The following TRHDE variants were observed in gnomAD, a reference collection of about 807,000 sequenced individuals.
The protein encoded by TRHDE is thyrotropin-releasing hormone-degrading ectoenzyme.
Under a neutral mutation model 125.7 loss-of-function variants are expected in TRHDE, and 72 were observed. The ratio of observed to expected loss-of-function variants is 0.57; its 90% CI spans 0.47 to 0.70. The LOEUF (loss-of-function observed/expected upper bound fraction) is 0.70. TRHDE is among the 30% of genes least tolerant of loss of function. The pLI is 0.00. For missense variants in TRHDE, 1,110 were observed against 1,327.1 expected (o/e 0.84, Z 2.54); for synonymous variants, 509 against 509.1 (o/e 1.00, Z 0.00).
intron 3 of TRHDE, among the ~76,000 whole-genome samples, chr12:72,426,272 G>A (rs1173629832): frequency 1.3e-5 from 2 of 151,834 alleles, no homozygotes; most frequent in Non-Finnish European, 1.5e-5. Context: ...TATTTTAATG[G>A]GTAAAATATG....
In TRHDE at chr12:72,476,077, G is replaced by A. The variant is rs374062619; in HGVS notation, c.1584+2897G>A. On this transcript the variant is annotated intron_variant, in intron 5 of 18. Coordinates refer to ENST00000261180, the MANE Select transcript of TRHDE (RefSeq NM_013381.3). ...GATTACAGGTGTGAGCCACCACGCC[G>A]GGCTAATTTTTGTATTTTTTGCAGA... 6.9e-4 allele frequency among the ~76,000 whole-genome samples: 105 copies of A among 151,822 alleles called. 4 individuals carry two copies. In the South Asian group the frequency reaches 0.02, roughly 29 times the overall value.
chr12:72,538,261 T>G (rs1445681228), intron 6 of TRHDE, among the ~76,000 whole-genome samples: 2 of 152,020 alleles, frequency 1.3e-5, no homozygotes, highest in Non-Finnish European at 2.9e-5. Context: ...AAATATGGCC[T>G]ACTATGGCCT....
chr12:72,170,906 A>T (rs1876858545), intron 2 of TRHDE, among the ~76,000 whole-genome samples: 1 of 152,228 alleles, frequency 6.6e-6, no homozygotes, highest in Non-Finnish European at 1.5e-5. Context: ...ATAGTTGGAG[A>T]CAGGGTGTTA....
intron 12 of TRHDE, among the ~76,000 whole-genome samples, chr12:72,596,400 G>C (rs1242464435): frequency 7.2e-5 from 11 of 152,206 alleles, no homozygotes; most frequent in Non-Finnish European, 1.0e-4. Flanking sequence ...GGACTCCACT[G>C]TAACACTGTT....
intron 15 of TRHDE, 77 bp downstream of exon 15, chr12:72,621,828 C>A (rs548892121): frequency 1.8e-6 from 2 of 1,095,042 alleles, no homozygotes; most frequent in Non-Finnish European, 2.6e-6. Context: ...ATTTCATTTA[C>A]CAACTGGAGA....
intron 2 of TRHDE, among the ~76,000 whole-genome samples, chr12:72,362,443 A>C (rs1488473078): frequency 6.6e-6 from 1 of 151,498 alleles, no homozygotes; most frequent in Non-Finnish European, 1.5e-5. Flanking sequence ...GTTTGAGTTC[A>C]TTGTAGATTC....
intron 6 of TRHDE, among the ~76,000 whole-genome samples, chr12:72,513,490 C>G (rs1029726313): frequency 6.6e-6 from 1 of 152,108 alleles, no homozygotes; most frequent in South Asian, 2.1e-4. Context: ...TGAGGACCTA[C>G]TGAGAAAATT....
chr12:72,439,176 AG>A (rs755721920), intron 3 of TRHDE, among the ~76,000 whole-genome samples: 1 of 151,700 alleles, frequency 6.6e-6, no homozygotes, highest in African/African-American at 2.4e-5. Flanking sequence ...TTTTCCCCTT[AG>A]TACCATACTG....
chr12:72,442,750 C>T (rs1236113425), intron 3 of TRHDE, among the ~76,000 whole-genome samples: 1 of 151,750 alleles, frequency 6.6e-6, no homozygotes, highest in Non-Finnish European at 1.5e-5. Flanking sequence ...TGTTTGTGCT[C>T]CCATGTAAGG....
chr12:72,350,411 A>AT (rs1870530204), intron 2 of TRHDE, among the ~76,000 whole-genome samples: 1 of 152,040 alleles, frequency 6.6e-6, no homozygotes, highest in Admixed American at 6.6e-5. Flanking sequence ...TCAATATATT[A>AT]GTTACATAAT....
intron 15 of TRHDE, among the ~76,000 whole-genome samples, chr12:72,632,442 A>G (rs955530713): frequency 6.6e-6 from 1 of 151,896 alleles, no homozygotes; most frequent in African/African-American, 2.4e-5. Context: ...ATCTTTAACA[A>G]ACACTGGAGT....
At chr12:72,306,455 G>A (rs1868342952) in intron 2 of TRHDE, among the ~76,000 whole-genome samples, 1 of 152,094 alleles carries the variant, frequency 6.6e-6, no homozygotes, top group African/African-American at 2.4e-5. Flanking sequence ...AACCATATAA[G>A]ACAGACTTTT....
intron 2 of TRHDE, among the ~76,000 whole-genome samples, chr12:72,293,204 T>A (rs1880156202): frequency 6.6e-6 from 1 of 152,154 alleles, no homozygotes; most frequent in Non-Finnish European, 1.5e-5. Flanking sequence ...ATTTGTTTTT[T>A]TTTTTGCTAA....
intron 7 of TRHDE, among the ~76,000 whole-genome samples, chr12:72,555,230 C>G (rs1488518731): frequency 6.6e-6 from 1 of 152,162 alleles, no homozygotes; most frequent in Non-Finnish European, 1.5e-5. Context: ...CAAGCCACTT[C>G]TAAAGGTAAA....
At chr12:72,579,150 T>C (rs1871132520) in intron 12 of TRHDE, among the ~76,000 whole-genome samples, 1 of 152,072 alleles carries the variant, frequency 6.6e-6, no homozygotes, top group South Asian at 2.1e-4. Context: ...AGATTTACTT[T>C]TGTAAGTTGA....
intron 2 of TRHDE, among the ~76,000 whole-genome samples, chr12:72,326,068 G>A (rs1299997877): frequency 6.6e-6 from 1 of 151,712 alleles, no homozygotes; most frequent in Non-Finnish European, 1.5e-5. Context: ...ATATTTGGAG[G>A]GTCTTTTCTT....
intron 3 of TRHDE, among the ~76,000 whole-genome samples, chr12:72,429,035 T>A (rs1874311372): frequency 6.6e-6 from 1 of 152,080 alleles, no homozygotes; most frequent in Non-Finnish European, 1.5e-5. Context: ...TGAGCTTGTG[T>A]CCTTTGCAGG....
intron 6 of TRHDE, among the ~76,000 whole-genome samples, chr12:72,503,053 A>G (rs1332404054): frequency 6.6e-6 from 1 of 152,186 alleles, no homozygotes; most frequent in East Asian, 1.9e-4. Context: ...TAAGTGGAAC[A>G]AAGGTAAACT....
At chr12:72,213,999 C>T (rs1877836710) in intron 2 of TRHDE, among the ~76,000 whole-genome samples, 1 of 151,976 alleles carries the variant, frequency 6.6e-6, no homozygotes, top group South Asian at 2.1e-4. Flanking sequence ...AATCGTTGGT[C>T]AGTGCTACAT....
Sources: gnomAD v4.1 joint callset for allele counts (sites outside exome capture counted in the v4.1 genomes callset) on GRCh38, gnomAD v4.1.1 for gene constraint, MANE v1.5 for transcripts, NCBI Gene and HGNC (gene_info 2026-07-23, HGNC 2026-07-21) for gene names.